KBTBD2: variants seen among roughly 807,000 people sequenced by gnomAD.
KBTBD2 encodes the protein kelch repeat and BTB domain containing 2.
A neutral mutation model predicts 57.1 loss-of-function variants in KBTBD2; 17 were observed. That is an observed-to-expected ratio of 0.30 (90% CI 0.20 to 0.45). The LOEUF is 0.45. KBTBD2 is among the 20% of genes least tolerant of loss of function. The pLI is 1.00. For synonymous variants in KBTBD2, 267 were observed against 262.7 expected (o/e 1.02, Z -0.16); for missense variants, 515 against 750.6 (o/e 0.69, Z 3.67).
chr7:32,886,011 C>G (rs1157213466), intron 1 of KBTBD2, among the ~76,000 whole-genome samples: 1 of 151,324 alleles, frequency 6.6e-6, no homozygotes, highest in Non-Finnish European at 1.5e-5. Context: ...CGGGTTCAAG[C>G]AATTCTCCTG....
At chr7:32,884,976 G>GTATATATATATACACATATATGTGTATA (rs1784534409) in intron 1 of KBTBD2, among the ~76,000 whole-genome samples, 1 of 130,074 alleles carries the variant, frequency 7.7e-6, no homozygotes, top group African/African-American at 3.1e-5. Context: ...GTATGTGTGT[G>GTATATATATATACACATATATGTGTATA]TATATATATA....
intron 1 of KBTBD2, among the ~76,000 whole-genome samples, chr7:32,884,391 A>C (rs748569472): frequency 0.047 from 2,136 of 45,452 alleles, 23 homozygotes; most frequent in South Asian, 0.065. Flanking sequence ...TTTTTAATTT[A>C]AAAAAAAAAA....
rs535306412 is a variant in KBTBD2, at chr7:32,889,709, T to C, written c.-339+1827A>G. ...AAAAGATTAAGCTAACAAAGGACTT[T>C]GAAATTTTCACTCATATTTTATGAC... is the stretch of plus-strand genomic sequence containing the variant. On this transcript the variant is annotated intron_variant, in intron 1 of 3. Coordinates refer to ENST00000304056, the MANE Select transcript of KBTBD2 (RefSeq NM_015483.3). 2.0e-5 allele frequency among the ~76,000 whole-genome samples: 3 copies of C among 152,350 alleles called. No homozygotes were observed. In the South Asian group the frequency reaches 6.2e-4, roughly 32 times the overall value.
chr7:32,873,819 T>A (rs1186046845), intron 3 of KBTBD2, among the ~76,000 whole-genome samples: 1 of 152,258 alleles, frequency 6.6e-6, no homozygotes, highest in Non-Finnish European at 1.5e-5. Flanking sequence ...AATTTTCACC[T>A]ATCTCTTTTA....
chr7:32,870,366 G>T lies in KBTBD2; in HGVS notation c.851C>A (p.Ser284Tyr), dbSNP rs368213394. 1.2e-5 allele frequency: 20 copies of T among 1,613,272 alleles called. No individual in the cohort carries two copies. The highest frequency in any genetic ancestry group is 1.7e-5 in the Non-Finnish European group (20 of 1,179,722). Reference protein sequence around the residue: ...ASSENPCSLYSSVCYSPQAEK... With the variant: ...ASSENPCSLYYSVCYSPQAEK... ...TGCTTGGGGGCTGTAACAGACAGAA[G>T]AGTAAAGACTACAAGGATTTTCTGA... The change falls in exon 4 of 4, where the codon TCT becomes TAT. Residue 284 changes from serine to tyrosine, a missense_variant. Ser to Tyr is a moderately radical substitution (Grantham distance 144). Transcript: ENST00000304056.
At chr7:32,881,221 C>A (rs1269731479) in intron 1 of KBTBD2, among the ~76,000 whole-genome samples, 1 of 151,088 alleles carries the variant, frequency 6.6e-6, no homozygotes, top group Non-Finnish European at 1.5e-5. Context: ...GGCAAAAAAA[C>A]CTAGGCTTTA....
rs773473393 is a variant in KBTBD2 at position 32,870,127 on chromosome 7, T to A, written c.1090A>T (p.Thr364Ser). The stretch of plus-strand genomic sequence containing the variant: ...TTTATGCGGACAAAAAGCATTGGGG[T>A]CTTTGGAAACCAGGTATTTTGCTGT... ...DAQQNTWFPK[T>S]PMLFVRIKPS... Residue 364 changes from threonine (T) to serine (S), a missense_variant, in exon 4 of 4, where the codon ACC (threonine) becomes TCC (serine). Transcript: ENST00000304056. 1 of 1,614,046 alleles carries A rather than the reference T, an allele frequency of 6.2e-7. No individual in the cohort carries two copies. Among genetic ancestry groups the A allele is most frequent in the Non-Finnish European group, 8.5e-7 (1 of 1,180,004 alleles).
At chr7:32,891,288 C>T (rs959125445) in intron 1 of KBTBD2, 3 of 148,774 alleles carry the variant, frequency 2.0e-5, no homozygotes, top group Non-Finnish European at 4.5e-5. Flanking sequence ...GCCGCCCCTT[C>T]CCCGCGGACC....
chr7:32,884,616 G>A (rs1239973006), intron 1 of KBTBD2, among the ~76,000 whole-genome samples: 1 of 145,236 alleles, frequency 6.9e-6, no homozygotes, highest in African/African-American at 2.6e-5. Context: ...CTTGAACCCA[G>A]GAGGAGGAGG....
At chr7:32,880,272 A>T (rs1158037199) in intron 1 of KBTBD2, among the ~76,000 whole-genome samples, 1 of 152,142 alleles carries the variant, frequency 6.6e-6, no homozygotes, top group Non-Finnish European at 1.5e-5. Flanking sequence ...TCTCTTAGTT[A>T]TTTGTCTGGT....
At chr7:32,886,230 G>A (rs1004135325) in intron 1 of KBTBD2, among the ~76,000 whole-genome samples, 1 of 151,966 alleles carries the variant, frequency 6.6e-6, no homozygotes, top group Non-Finnish European at 1.5e-5. Flanking sequence ...GACTTTCTAC[G>A]AATTATTACA....
rs1163469871 is a variant in KBTBD2 at position 32,868,257 on chromosome 7, T to A, written c.*1088A>T. Reference sequence around the variant, plus strand: ...GTGCAGTTGAACATGCTAGTAATGTTTGTCATGAAGCACCTGTGCTCATGT... The same window carrying A: ...GTGCAGTTGAACATGCTAGTAATGTATGTCATGAAGCACCTGTGCTCATGT... On this transcript the variant is annotated 3_prime_UTR_variant, in exon 4 of 4. Transcript: ENST00000304056. 6.6e-6 allele frequency: 1 copy of A among 152,602 alleles called. No homozygotes were observed. Among genetic ancestry groups the A allele is most frequent in the African/African-American group, 2.4e-5 (1 of 41,456 alleles). The allele number at this position is 152,602 out of a possible 1,614,324, so 9.5% of individuals were successfully genotyped here.
chr7:32,885,617 T>G (rs2060729), intron 1 of KBTBD2, among the ~76,000 whole-genome samples: 2,351 of 152,214 alleles, frequency 0.015, 61 homozygotes, highest in African/African-American at 0.054. Flanking sequence ...GCTTCCAGAT[T>G]AGTAAGAAAG....
intron 1 of KBTBD2, among the ~76,000 whole-genome samples, chr7:32,881,727 C>T (rs1457643470): frequency 6.6e-6 from 1 of 152,204 alleles, no homozygotes; most frequent in Non-Finnish European, 1.5e-5. Flanking sequence ...GCAAATAATA[C>T]TTAAAATCAC....
intron 1 of KBTBD2, among the ~76,000 whole-genome samples, chr7:32,886,239 C>G (rs1437911019): frequency 6.6e-6 from 1 of 152,120 alleles, no homozygotes; most frequent in African/African-American, 2.4e-5. Context: ...CGAATTATTA[C>G]AGGACAAAGT....
intron 2 of KBTBD2, among the ~76,000 whole-genome samples, chr7:32,876,272 C>G (rs1784309076): frequency 6.6e-6 from 1 of 152,060 alleles, no homozygotes; most frequent in Non-Finnish European, 1.5e-5. Flanking sequence ...CTAACTTGGG[C>G]CCCTCAAGGA....
intron 2 of KBTBD2, among the ~76,000 whole-genome samples, chr7:32,876,783 C>T (rs956496709): frequency 2.0e-5 from 3 of 152,016 alleles, no homozygotes; most frequent in African/African-American, 7.2e-5. Flanking sequence ...TGGTGAAACC[C>T]TGTCTCCACT....
intron 1 of KBTBD2, among the ~76,000 whole-genome samples, chr7:32,882,615 A>G (rs1005371555): frequency 5.3e-5 from 8 of 152,246 alleles, no homozygotes; most frequent in African/African-American, 1.9e-4. Flanking sequence ...CAGCCTACGT[A>G]AAAGTTACCT....
chr7:32,890,838 G>A (rs972215475), intron 1 of KBTBD2: 1 of 152,040 alleles, frequency 6.6e-6, no homozygotes, highest in African/African-American at 2.4e-5. Flanking sequence ...CTAAGCCCAA[G>A]GGAAAAAAAG....
Sources: gnomAD v4.1 joint callset for allele counts (sites outside exome capture counted in the v4.1 genomes callset) on GRCh38, gnomAD v4.1.1 for gene constraint, MANE v1.5 for transcripts, NCBI Gene and HGNC (gene_info 2026-07-23, HGNC 2026-07-21) for gene names.